NELL1: variants seen among roughly 807,000 people sequenced by gnomAD.
The protein encoded by NELL1 is protein kinase C-binding protein NELL1.
NELL1 carries 76 observed loss-of-function variants against 107.4 expected under a neutral mutation model. The observed-to-expected ratio is 0.71, with a 90% CI of 0.59 to 0.86. The LOEUF (loss-of-function observed/expected upper bound fraction) is 0.86. Ranked by LOEUF, NELL1 falls within the 40% of genes least tolerant of loss-of-function variation. The pLI is 0.00. For synonymous variants in NELL1, 353 were observed against 341.2 expected, an observed-to-expected ratio of 1.03 and a Z score of -0.38; for missense variants, 1,024 against 1,005.5, an observed-to-expected ratio of 1.02 and a Z score of -0.25.
intron 13 of NELL1, among the ~76,000 whole-genome samples, chr11:21,147,841 A>C: frequency 7.4e-6 from 1 of 134,588 alleles, no homozygotes; most frequent in African/African-American, 3.2e-5. Context: ...CGTCTCAAAA[A>C]AAAAAAAAAA....
intron 2 of NELL1, among the ~76,000 whole-genome samples, chr11:20,716,926 C>T (rs1855265524): frequency 6.6e-6 from 1 of 152,244 alleles, no homozygotes; most frequent in Non-Finnish European, 1.5e-5. Context: ...CAAATGGATT[C>T]CTCTGAAACT....
chr11:20,813,619 C>T (rs1419330430), intron 3 of NELL1, among the ~76,000 whole-genome samples: 2 of 152,086 alleles, frequency 1.3e-5, no homozygotes, highest in Non-Finnish European at 2.9e-5. Context: ...TGATTCAAAC[C>T]AACAAGAGGT....
intron 14 of NELL1, among the ~76,000 whole-genome samples, chr11:21,311,257 G>C (rs900092611): frequency 3.3e-5 from 5 of 152,226 alleles, no homozygotes; most frequent in African/African-American, 1.2e-4. Flanking sequence ...AGAACAGAAA[G>C]ACAGCATAAA....
At chr11:20,915,717 A>ATATATATTT in intron 5 of NELL1, among the ~76,000 whole-genome samples, 5 of 58,224 alleles carry the variant, frequency 8.6e-5, no homozygotes, top group South Asian at 5.9e-4. Flanking sequence ...ATATATATAT[A>ATATATATTT]TTTTTTTTTT....
At chr11:20,801,398 T>G (rs4923056) in intron 3 of NELL1, among the ~76,000 whole-genome samples, 5,120 of 152,270 alleles carry the variant, frequency 0.034, 124 homozygotes, top group African/African-American at 0.059. Context: ...CTTTCAGACC[T>G]TTTGCCCATT....
chr11:20,813,227 A>G (rs942559438), intron 3 of NELL1, among the ~76,000 whole-genome samples: 2 of 152,094 alleles, frequency 1.3e-5, no homozygotes, highest in Admixed American at 1.3e-4. Context: ...GAGTCTGGGG[A>G]ACATATACTC....
intron 16 of NELL1, among the ~76,000 whole-genome samples, chr11:21,535,450 C>T (rs1313265655): frequency 6.6e-6 from 1 of 152,122 alleles, no homozygotes; most frequent in Admixed American, 6.5e-5. Flanking sequence ...CTAAAGGCTG[C>T]TGCTGAGATA....
chr11:21,232,805 A>G (rs1185313283), intron 14 of NELL1, among the ~76,000 whole-genome samples: 1 of 152,038 alleles, frequency 6.6e-6, no homozygotes, highest in African/African-American at 2.4e-5. Flanking sequence ...GATGTGCCCC[A>G]CCATGCCCAG....
intron 2 of NELL1, among the ~76,000 whole-genome samples, chr11:20,694,647 A>G (rs116881958): frequency 0.021 from 3,141 of 152,214 alleles, 57 homozygotes; most frequent in Non-Finnish European, 0.033. Context: ...TACTAATACC[A>G]TGCTGTTTAC....
intron 3 of NELL1, among the ~76,000 whole-genome samples, chr11:20,843,074 A>G (rs576569629): frequency 3.3e-4 from 50 of 152,170 alleles, no homozygotes; most frequent in Non-Finnish European, 5.7e-4. Flanking sequence ...AGGATTTTCC[A>G]GGATTTGTGG....
intron 15 of NELL1, among the ~76,000 whole-genome samples, chr11:21,460,759 TAGTA>T (rs1271102108): frequency 6.6e-6 from 1 of 152,060 alleles, no homozygotes; most frequent in African/African-American, 2.4e-5. Context: ...TCCAATAACT[TAGTA>T]AGGCCATTGA....
intron 2 of NELL1, among the ~76,000 whole-genome samples, chr11:20,738,242 A>G (rs1057263036): frequency 6.6e-6 from 1 of 152,088 alleles, no homozygotes; most frequent in African/African-American, 2.4e-5. Context: ...GGGGATTTTC[A>G]TCAGGTTGAG....
intron 14 of NELL1, among the ~76,000 whole-genome samples, chr11:21,336,152 A>G (rs941363911): frequency 2.5e-4 from 38 of 152,078 alleles, no homozygotes; most frequent in African/African-American, 8.7e-4. Flanking sequence ...AGGCTATGAC[A>G]TTAAACCTGC....
intron 11 of NELL1, among the ~76,000 whole-genome samples, chr11:20,947,780 AT>A (rs1231611393): frequency 1.3e-5 from 2 of 152,016 alleles, no homozygotes; most frequent in Admixed American, 6.6e-5. Flanking sequence ...TCATTATTAC[AT>A]TTTTCTCATG....
intron 13 of NELL1, among the ~76,000 whole-genome samples, chr11:21,185,572 G>T (rs947661980): frequency 1.3e-5 from 2 of 151,814 alleles, no homozygotes; most frequent in Non-Finnish European, 2.9e-5. Context: ...TGGGATTACA[G>T]GCGTGAGCCA....
intron 2 of NELL1, among the ~76,000 whole-genome samples, chr11:20,719,593 T>C (rs1855331403): frequency 6.6e-6 from 1 of 152,212 alleles, no homozygotes; most frequent in Non-Finnish European, 1.5e-5. Flanking sequence ...AGATCTCTAG[T>C]TCATTGTTTT....
chr11:21,498,631 C>A (rs1309974837), intron 15 of NELL1, among the ~76,000 whole-genome samples: 1 of 151,666 alleles, frequency 6.6e-6, no homozygotes, highest in Non-Finnish European at 1.5e-5. Flanking sequence ...ACAGAAGTTT[C>A]TTTGTACATA....
intron 12 of NELL1, among the ~76,000 whole-genome samples, chr11:21,029,187 G>T (rs975759345): frequency 2.8e-4 from 43 of 152,098 alleles, no homozygotes; most frequent in African/African-American, 9.2e-4. Flanking sequence ...AGAGAAAGGG[G>T]TTTTGTCCTC....
chr11:21,065,990 G>T (rs1853859094), intron 12 of NELL1, among the ~76,000 whole-genome samples: 1 of 152,128 alleles, frequency 6.6e-6, no homozygotes, highest in Non-Finnish European at 1.5e-5. Context: ...TTGTAATTTT[G>T]AATATTACAA....
Sources: allele counts gnomAD v4.1 joint callset (sites outside exome capture counted in the v4.1 genomes callset), GRCh38; gene constraint gnomAD v4.1.1; transcripts MANE v1.5; gene names NCBI Gene and HGNC (gene_info 2026-07-23, HGNC 2026-07-21).